PRKAR2A: variants seen among roughly 807,000 people sequenced by gnomAD.
PRKAR2A encodes the protein cAMP-dependent protein kinase type II-alpha regulatory subunit.
In PRKAR2A, 29 loss-of-function variants were observed where a neutral mutation model predicts 51.9. That is an observed-to-expected ratio of 0.56 (90% confidence interval 0.42 to 0.76). PRKAR2A has a LOEUF of 0.76. Among genes scored for constraint, PRKAR2A ranks in the 30% least tolerant of loss-of-function variants. The probability of loss-of-function intolerance (pLI) is 0.00; values close to 1 mark genes in which losing one functional copy is unlikely to be tolerated. For missense variants in PRKAR2A, 445 were observed against 512.1 expected, an observed-to-expected ratio of 0.87 and a Z score of 1.26; for synonymous variants, 178 against 186.2, an observed-to-expected ratio of 0.96 and a Z score of 0.36.
At chr3:48,816,676 T>C (rs1478162579) in intron 1 of PRKAR2A, among the ~76,000 whole-genome samples, 1 of 151,994 alleles carries the variant, frequency 6.6e-6, no homozygotes, top group Non-Finnish European at 1.5e-5. Flanking sequence ...ATACAAATTA[T>C]CCTATCCAAA....
intron 1 of PRKAR2A, among the ~76,000 whole-genome samples, chr3:48,841,111 C>T (rs1218935096): frequency 6.6e-6 from 1 of 150,598 alleles, no homozygotes; most frequent in Non-Finnish European, 1.5e-5. Flanking sequence ...GTCTCAAACT[C>T]CTGACCTCAG....
At chr3:48,829,871 A>ATATATATATATAT (rs1297832658) in intron 1 of PRKAR2A, among the ~76,000 whole-genome samples, 8 of 87,728 alleles carry the variant, frequency 9.1e-5, no homozygotes, top group African/African-American at 2.7e-4. Flanking sequence ...ATATATATAT[A>ATATATATATATAT]TTTTTTTTTT....
At chr3:48,756,204 T>C (rs1439008320) in intron 9 of PRKAR2A, among the ~76,000 whole-genome samples, 175 bp downstream of exon 9, 1 of 152,168 alleles carries the variant, frequency 6.6e-6, no homozygotes, top group Admixed American at 6.5e-5. Context: ...TAAATCTATA[T>C]CTAATCTAAT....
chr3:48,846,545 G>A (rs1405599768), intron 1 of PRKAR2A, among the ~76,000 whole-genome samples: 3 of 152,016 alleles, frequency 2.0e-5, no homozygotes, highest in African/African-American at 7.2e-5. Flanking sequence ...AATGAGGTAG[G>A]GTGTCTATTT....
intron 3 of PRKAR2A, among the ~76,000 whole-genome samples, chr3:48,792,910 C>T (rs1394388515): frequency 6.6e-6 from 1 of 151,684 alleles, no homozygotes; most frequent in Non-Finnish European, 1.5e-5. Flanking sequence ...GCCCGGGCGA[C>T]AGTGCGAGAC....
chr3:48,768,130 C>CA lies in PRKAR2A; in HGVS notation c.697-2782dup, dbSNP rs572507472. 3.6e-3 allele frequency among the ~76,000 whole-genome samples: 536 copies of CA among 150,980 alleles called. 6 individuals carry two copies. The highest frequency in any genetic ancestry group is 0.012 in the African/African-American group (506 of 41,126). ...GGCAACATGGCGAAACCCATCTGTA[C>CA]AAAAAATACAAAAATTAGCCAGGCG... is the stretch of plus-strand genomic sequence containing the variant. On this transcript the variant is annotated intron_variant, in intron 6 of 10. Coordinates refer to ENST00000265563, the MANE Select transcript of PRKAR2A (RefSeq NM_004157.4).
At chr3:48,765,389 T>C (rs1447110622) in intron 6 of PRKAR2A, 40 bp from the exon 7 acceptor site, 1 of 1,370,464 alleles carries the variant, frequency 7.3e-7, no homozygotes. Flanking sequence ...AATGCCTATA[T>C]ACAGGAACAT....
At chr3:48,754,669 G>A (rs1465272161) in intron 9 of PRKAR2A, among the ~76,000 whole-genome samples, 3 of 151,726 alleles carry the variant, frequency 2.0e-5, no homozygotes, top group Admixed American at 6.6e-5. Context: ...AGCTACTTGC[G>A]AGGCTGAGGC....
chr3:48,766,791 G>T (rs973134207), intron 6 of PRKAR2A, among the ~76,000 whole-genome samples: 1 of 152,132 alleles, frequency 6.6e-6, no homozygotes, highest in Admixed American at 6.6e-5. Context: ...GGAGGAATAC[G>T]CAAGATGGAA....
intron 6 of PRKAR2A, 102 bp from the exon 7 acceptor site, chr3:48,765,451 C>G (rs2081927191): frequency 2.6e-6 from 2 of 779,638 alleles, no homozygotes; most frequent in South Asian, 3.7e-5. Context: ...ATGTAAGTTA[C>G]TGTGTTAATT....
rs760883553 is a variant in PRKAR2A, at chr3:48,840,567, C to CTTTT, written c.262+6764_262+6767dup. On this transcript the variant is annotated intron_variant, in intron 1 of 10. Transcript: ENST00000265563. ...ACCTGGATACCTGGTTTGTTTTCAC[C>CTTTT]TTTTTTTTTTTTTTTTTTTTTTTTT... is the stretch of plus-strand genomic sequence containing the variant. 8.6e-5 allele frequency among the ~76,000 whole-genome samples: 6 copies of CTTTT among 69,520 alleles called. No homozygotes were observed. The East Asian group carries it at 2.3e-3, about 27-fold the overall frequency. 45.6% of individuals were successfully genotyped at this position (69,520 alleles called of 152,430 possible).
chr3:48,844,222 A>G (rs910740640), intron 1 of PRKAR2A, among the ~76,000 whole-genome samples: 3 of 152,260 alleles, frequency 2.0e-5, no homozygotes, highest in Non-Finnish European at 4.4e-5. Flanking sequence ...TGCAGCCAAA[A>G]GACAAATGAA....
intron 10 of PRKAR2A, 115 bp from the exon 11 acceptor site, chr3:48,751,833 C>A: frequency 8.1e-7 from 1 of 1,237,954 alleles, no homozygotes; most frequent in Non-Finnish European, 1.1e-6. Flanking sequence ...GGGACACCAG[C>A]CACTTGCAAA....
intron 2 of PRKAR2A, among the ~76,000 whole-genome samples, chr3:48,795,392 C>G (rs2082475607): frequency 1.3e-5 from 2 of 151,952 alleles, no homozygotes; most frequent in Admixed American, 6.6e-5. Context: ...AAAAACCTAC[C>G]CATATATCGG....
At chr3:48,799,620 T>G (rs1019010901) in intron 2 of PRKAR2A, among the ~76,000 whole-genome samples, 1 of 152,188 alleles carries the variant, frequency 6.6e-6, no homozygotes, top group Non-Finnish European at 1.5e-5. Flanking sequence ...AGTAAGCACA[T>G]AAGCCTTAAA....
At chr3:48,808,403 G>A (rs1382239898) in intron 1 of PRKAR2A, among the ~76,000 whole-genome samples, 3 of 152,218 alleles carry the variant, frequency 2.0e-5, no homozygotes, top group African/African-American at 2.4e-5. Flanking sequence ...ACAGGCACCC[G>A]CCACCACACC....
At position 48,847,271 on chromosome 3, in the gene PRKAR2A, T is replaced by A. The variant is rs1443512499; in HGVS notation, c.262+64A>T. The A allele has an allele frequency of 6.4e-7, 1 of 1,553,056 alleles. No homozygotes were observed. Among genetic ancestry groups the A allele is most frequent in the Non-Finnish European group, 8.7e-7 (1 of 1,146,454 alleles). ...GGCTGCGGCGCGACACCTGGCTCCC[T>A]GCCACCCCTCTAGACCTCTGGAGAC... On this transcript the variant is annotated intron_variant, in intron 1 of 10. Transcript: ENST00000265563. The surrounding 1 kb of genome is among the most constrained non-coding windows in gnomAD (Gnocchi z 4.4).
Position 48,751,549 on chromosome 3 carries a change from G to C in PRKAR2A, c.*36C>G. On this transcript the variant is annotated 3_prime_UTR_variant, in exon 11 of 11. Coordinates refer to ENST00000265563, the MANE Select transcript of PRKAR2A (RefSeq NM_004157.4). The stretch of plus-strand genomic sequence containing the variant: ...GTTCTGTGGCTGACCAGAAGGTTTT[G>C]GTGTCACACTAAGAAGGCTCTGGGG... The C allele has an allele frequency of 6.2e-7, 1 of 1,603,316 alleles. No homozygotes were observed. The highest frequency in any genetic ancestry group is 8.5e-7 in the Non-Finnish European group (1 of 1,172,578).
chr3:48,761,535 C>T (rs980001775), intron 8 of PRKAR2A, among the ~76,000 whole-genome samples: 1 of 152,224 alleles, frequency 6.6e-6, no homozygotes, highest in East Asian at 1.9e-4. Context: ...GATGTTGAAA[C>T]AACATTTTAG....
Sources: allele counts gnomAD v4.1 joint callset (sites outside exome capture counted in the v4.1 genomes callset), GRCh38; gene constraint gnomAD v4.1.1; non-coding constraint Gnocchi (gnomAD v3.1); transcripts MANE v1.5; gene names NCBI Gene and HGNC (gene_info 2026-07-23, HGNC 2026-07-21).